The following DOCK3 variants were observed in gnomAD, a reference collection of about 807,000 sequenced individuals.
DOCK3 encodes dedicator of cytokinesis 3.
Under a neutral mutation model 265.6 loss-of-function variants are expected in DOCK3, and 60 were observed. That is an observed-to-expected ratio of 0.23 (90% CI 0.18 to 0.28). The LOEUF is 0.28. Ranked by LOEUF, DOCK3 falls within the 10% of genes least tolerant of loss-of-function variation. DOCK3 has a pLI of 1.00. For missense variants in DOCK3, 1,981 were observed against 2,594.3 expected, an observed-to-expected ratio of 0.76 and a Z score of 5.14; for synonymous variants, 881 against 938.0, an observed-to-expected ratio of 0.94 and a Z score of 1.11.
At chr3:51,164,928 T>G (rs561307510) in intron 12 of DOCK3, among the ~76,000 whole-genome samples, 1 of 144,704 alleles carries the variant, frequency 6.9e-6, no homozygotes, top group Non-Finnish European at 1.5e-5. Context: ...TTAAGAGTAC[T>G]TGTTTAGGAG....
intron 12 of DOCK3, among the ~76,000 whole-genome samples, chr3:51,181,950 G>A (rs1186167638): frequency 6.6e-6 from 1 of 152,200 alleles, no homozygotes; most frequent in Non-Finnish European, 1.5e-5. Context: ...CTGCTGGTGT[G>A]AGGACAGGAC....
Position 51,358,028 on chromosome 3 carries a change from A to G in DOCK3, c.4835A>G (p.His1612Arg). Residue 1612 changes from histidine to arginine, a missense_variant, in exon 46 of 53, where the codon CAT (histidine) becomes CGT (arginine). His to Arg is a conservative substitution (Grantham distance 29). Around this residue, in one of 4 missense-constraint regions of DOCK3, gnomAD observed 1,357 missense variants for 1,866.8 expected, o/e 0.73. Coordinates refer to ENST00000266037, the MANE Select transcript of DOCK3 (RefSeq NM_004947.5). ...GTGCACCCAGAAATGCGGCCTCTGC[A>G]TAAGAAGCTAATTGATCAGTTCCAG... is the stretch of plus-strand genomic sequence containing the variant. ...KFVHPEMRPL[H>R]KKLIDQFQMM... The G allele has an allele frequency of 6.2e-7, 1 of 1,614,048 alleles. No homozygotes were observed. Among genetic ancestry groups the G allele is most frequent in the Non-Finnish European group, 8.5e-7 (1 of 1,179,898 alleles).
chr3:50,756,327 A>G (rs1197272585), intron 1 of DOCK3, among the ~76,000 whole-genome samples: 1 of 151,890 alleles, frequency 6.6e-6, no homozygotes, highest in Non-Finnish European at 1.5e-5. Context: ...CTGCGATCTT[A>G]TTGGGAAGCT....
intron 1 of DOCK3, among the ~76,000 whole-genome samples, chr3:50,689,279 T>G (rs1406368759): frequency 6.6e-6 from 1 of 152,230 alleles, no homozygotes. Flanking sequence ...ACGGTGCTAA[T>G]AAAGACATAC....
chr3:51,263,220 T>G (rs1481500392), intron 23 of DOCK3, among the ~76,000 whole-genome samples: 1 of 152,206 alleles, frequency 6.6e-6, no homozygotes, highest in African/African-American at 2.4e-5. Context: ...AGAGCAGATT[T>G]CTCTGCAGAA....
intron 3 of DOCK3, among the ~76,000 whole-genome samples, chr3:50,873,676 G>T (rs1354274442): frequency 2.0e-5 from 3 of 152,202 alleles, no homozygotes; most frequent in Non-Finnish European, 4.4e-5. Flanking sequence ...GAGCCCCAGA[G>T]CCTTTAGCCT....
In DOCK3 at chr3:50,777,133, C is replaced by T. The variant is rs141310292; in HGVS notation, c.38-1542C>T. On this transcript the variant is annotated intron_variant, in intron 1 of 52. Transcript: ENST00000266037. ...CTCCCACCAGGTCCCTCCCACAACA[C>T]GTGGGAATTATGGAAGTACAATTCA... Among the ~76,000 whole-genome samples, 278 of 152,212 alleles carry T rather than the reference C, an allele frequency of 1.8e-3. 3 individuals are homozygous for T. The highest frequency in any genetic ancestry group is 6.0e-3 in the African/African-American group (248 of 41,548).
At chr3:50,834,592 A>G (rs746653455) in intron 2 of DOCK3, among the ~76,000 whole-genome samples, 13 of 152,168 alleles carry the variant, frequency 8.5e-5, no homozygotes, top group Non-Finnish European at 8.8e-5. Flanking sequence ...TAGGTGACCT[A>G]ATAGCTAAAA....
intron 12 of DOCK3, among the ~76,000 whole-genome samples, chr3:51,173,649 C>T (rs2086798004): frequency 6.6e-6 from 1 of 152,134 alleles, no homozygotes; most frequent in Non-Finnish European, 1.5e-5. Context: ...ATACCACTTT[C>T]TTGTTTGCAA....
intron 4 of DOCK3, among the ~76,000 whole-genome samples, chr3:50,929,065 A>G (rs1054876356): frequency 2.7e-4 from 41 of 152,194 alleles, no homozygotes; most frequent in African/African-American, 9.7e-4. Context: ...ACTTCATGAT[A>G]TTTTCAACTT....
intron 1 of DOCK3, chr3:50,719,704 G>T: frequency 6.8e-7 from 1 of 1,465,258 alleles, no homozygotes; most frequent in Non-Finnish European, 9.5e-7. Context: ...GGACTTGTAT[G>T]CTTCAGAGTG....
At chr3:50,695,770 C>A (rs550337264) in intron 1 of DOCK3, among the ~76,000 whole-genome samples, 1 of 152,290 alleles carries the variant, frequency 6.6e-6, no homozygotes, top group Non-Finnish European at 1.5e-5. Context: ...AGAAGCTCTA[C>A]TTCGGATCCC....
intron 4 of DOCK3, among the ~76,000 whole-genome samples, chr3:50,900,063 A>G (rs149602926): frequency 4.4e-4 from 67 of 152,288 alleles, no homozygotes; most frequent in Non-Finnish European, 7.8e-4. Flanking sequence ...AATATCCTGA[A>G]GAGTGTTTTA....
At chr3:51,312,724 C>T in intron 30 of DOCK3, 120 bp from the exon 31 acceptor site, 1 of 1,267,960 alleles carries the variant, frequency 7.9e-7, no homozygotes, top group Non-Finnish European at 1.1e-6. Flanking sequence ...AGCCCAAAGG[C>T]TTAGCGCATT....
intron 49 of DOCK3, among the ~76,000 whole-genome samples, chr3:51,366,523 T>G (rs1319676944): frequency 6.6e-6 from 1 of 152,212 alleles, no homozygotes; most frequent in Non-Finnish European, 1.5e-5. Context: ...TTTCTTGCCT[T>G]CTGCTAGCTT....
At chr3:51,358,178 G>A in intron 46 of DOCK3, 101 bp downstream of exon 46, 1 of 1,215,292 alleles carries the variant, frequency 8.2e-7, no homozygotes, top group Non-Finnish European at 1.2e-6. Flanking sequence ...AGGGAGCCTG[G>A]GCAGGGGCCG....
intron 4 of DOCK3, among the ~76,000 whole-genome samples, chr3:50,911,471 G>A (rs1252336236): frequency 1.3e-5 from 2 of 152,058 alleles, no homozygotes; most frequent in African/African-American, 4.8e-5. Flanking sequence ...GACTTCATAT[G>A]TGTGGATTTA....
chr3:51,137,095 G>A (rs996104482), intron 9 of DOCK3, among the ~76,000 whole-genome samples: 9 of 151,510 alleles, frequency 5.9e-5, no homozygotes, highest in South Asian at 2.1e-4. Flanking sequence ...CTGGACCATC[G>A]TTTGCCTTTA....
At chr3:50,751,118 T>A (rs1255145834) in intron 1 of DOCK3, among the ~76,000 whole-genome samples, 1 of 152,218 alleles carries the variant, frequency 6.6e-6, no homozygotes, top group Non-Finnish European at 1.5e-5. Flanking sequence ...ATGTATAGGA[T>A]TGATGATATT....
Sources: allele counts gnomAD v4.1 joint callset (sites outside exome capture counted in the v4.1 genomes callset), GRCh38; gene constraint gnomAD v4.1.1; regional missense constraint gnomAD v4.1.1; transcripts MANE v1.5; gene names NCBI Gene and HGNC (gene_info 2026-07-23, HGNC 2026-07-21).